The following FMN2 variants were observed in gnomAD, a reference collection of about 807,000 sequenced individuals.
FMN2 encodes the protein formin 2, also known as formin-2.
In FMN2, 51 loss-of-function variants were observed where a neutral mutation model predicts 142.3. That is an observed-to-expected ratio of 0.36 (90% CI 0.29 to 0.45). FMN2 has a LOEUF of 0.45. Among genes scored for constraint, FMN2 ranks in the 20% least tolerant of loss-of-function variants. FMN2 has a pLI of 1.00. For missense variants in FMN2, 1,936 were observed against 2,122.8 expected, an observed-to-expected ratio of 0.91 and a Z score of 1.73; for synonymous variants, 882 against 869.8, an observed-to-expected ratio of 1.01 and a Z score of -0.25.
At chr1:240,129,361 A>G (rs1327139370) in intron 2 of FMN2, among the ~76,000 whole-genome samples, 1 of 152,144 alleles carries the variant, frequency 6.6e-6, no homozygotes, top group Non-Finnish European at 1.5e-5. Flanking sequence ...ATCAACTTTC[A>G]AAGTTGTTTT....
chr1:240,125,496 T>C (rs984710854), intron 2 of FMN2, among the ~76,000 whole-genome samples: 6 of 152,248 alleles, frequency 3.9e-5, no homozygotes, highest in South Asian at 4.1e-4. Flanking sequence ...TTAAATGTTA[T>C]AGAGCTCAGT....
At chr1:240,296,889 T>C (rs1159498216) in intron 8 of FMN2, among the ~76,000 whole-genome samples, 2 of 152,138 alleles carry the variant, frequency 1.3e-5, no homozygotes, top group Non-Finnish European at 2.9e-5. Flanking sequence ...GTTGTCACTA[T>C]GCAAAGGGAA....
At chr1:240,201,966 C>T (rs1322956704) in intron 4 of FMN2, among the ~76,000 whole-genome samples, 2 of 152,148 alleles carry the variant, frequency 1.3e-5, no homozygotes, top group African/African-American at 2.4e-5. Flanking sequence ...TTGAGGCCAC[C>T]ATTGCAATTT....
intron 2 of FMN2, among the ~76,000 whole-genome samples, chr1:240,150,612 C>T (rs182481441): frequency 6.6e-5 from 10 of 152,296 alleles, no homozygotes; most frequent in South Asian, 2.1e-4. Context: ...CTCTTACCAA[C>T]GGTGTGGCCT....
At chr1:240,298,743 A>G (rs966155169) in intron 8 of FMN2, among the ~76,000 whole-genome samples, 9 of 152,258 alleles carry the variant, frequency 5.9e-5, no homozygotes, top group African/African-American at 1.7e-4. Context: ...AACCATCCCC[A>G]TAATGCCAGG....
chr1:240,427,436 A>G (rs1180484141), intron 15 of FMN2, among the ~76,000 whole-genome samples: 1 of 151,632 alleles, frequency 6.6e-6, no homozygotes, highest in African/African-American at 2.4e-5. Flanking sequence ...CCATCTCCTG[A>G]CCTTGTGATC....
chr1:240,271,940 T>C (rs1325455505), intron 7 of FMN2, among the ~76,000 whole-genome samples: 5 of 152,190 alleles, frequency 3.3e-5, no homozygotes, highest in Non-Finnish European at 4.4e-5. Context: ...GATTATATTT[T>C]TAATGACATT....
At position 240,306,377 on chromosome 1, in the gene FMN2, G is replaced by A. The variant is rs12141728; in HGVS notation, c.4215+11494G>A. ...GGGCTTCCGTTAATCCCATAACCCA[G>A]AAGCTGAACATAGTATCCAACAGGA... On this transcript the variant is annotated intron_variant, in intron 8 of 17. Coordinates refer to ENST00000319653, the MANE Select transcript of FMN2 (RefSeq NM_020066.5). Among the ~76,000 whole-genome samples, 5 of 152,296 alleles carry A rather than the reference G, an allele frequency of 3.3e-5. No homozygotes were observed. The East Asian group carries it at 9.7e-4, about 29-fold the overall frequency.
At chr1:240,266,834 A>C (rs1668830209) in intron 7 of FMN2, among the ~76,000 whole-genome samples, 1 of 152,122 alleles carries the variant, frequency 6.6e-6, no homozygotes, top group Non-Finnish European at 1.5e-5. Flanking sequence ...ATCAATAAAA[A>C]TAAGCAATGG....
At chr1:240,353,996 T>A (rs190347163) in intron 13 of FMN2, among the ~76,000 whole-genome samples, 2 of 152,076 alleles carry the variant, frequency 1.3e-5, no homozygotes, top group East Asian at 3.9e-4. Flanking sequence ...TAGAGGGAGA[T>A]GGATGGTTTA....
intron 1 of FMN2, among the ~76,000 whole-genome samples, chr1:240,116,845 AG>A (rs1382474718): frequency 6.6e-6 from 1 of 152,174 alleles, no homozygotes; most frequent in Non-Finnish European, 1.5e-5. Flanking sequence ...AAATTAGAGC[AG>A]ACTGAGCAAG....
intron 15 of FMN2, 31 bp from the exon 16 acceptor site, chr1:240,438,030 T>C (rs1177104452): frequency 6.3e-7 from 1 of 1,597,706 alleles, no homozygotes; most frequent in Admixed American, 1.8e-5. Flanking sequence ...AATCATGGCT[T>C]TTATGCTTTT....
At chr1:240,117,545 A>T (rs1418572195) in intron 1 of FMN2, among the ~76,000 whole-genome samples, 1 of 152,192 alleles carries the variant, frequency 6.6e-6, no homozygotes, top group East Asian at 1.9e-4. Context: ...ATAGTGATAG[A>T]ACATGGAATT....
At position 240,138,622 on chromosome 1, in the gene FMN2, G is replaced by A. The variant is rs535403511; in HGVS notation, c.1782+15277G>A. Reference sequence around the variant, plus strand: ...CTTGGGAGGCTGAGGCAAGAGAATCGCTTGAACCAAGGAGCTGGCGGTTGC... The same window carrying A: ...CTTGGGAGGCTGAGGCAAGAGAATCACTTGAACCAAGGAGCTGGCGGTTGC... On this transcript the variant is annotated intron_variant, in intron 2 of 17. Coordinates refer to ENST00000319653, the MANE Select transcript of FMN2 (RefSeq NM_020066.5). Among the ~76,000 whole-genome samples the A allele has an allele frequency of 5.3e-5, 8 of 152,028 alleles. 1 individual carries two copies. The highest frequency in any genetic ancestry group is 1.9e-4 in the African/African-American group (8 of 41,482).
At chr1:240,192,314 A>C (rs1665730004) in intron 4 of FMN2, among the ~76,000 whole-genome samples, 1 of 152,192 alleles carries the variant, frequency 6.6e-6, no homozygotes. Context: ...AGAGCAAAAG[A>C]AGCATTGGTC....
chr1:240,341,603 A>G (rs998620340), intron 13 of FMN2: 2 of 152,206 alleles, frequency 1.3e-5, no homozygotes, highest in African/African-American at 2.4e-5. Context: ...TTGTGTTACA[A>G]CTGCAGAGTT....
At chr1:240,393,948 G>A (rs775528447) in intron 15 of FMN2, among the ~76,000 whole-genome samples, 27 of 152,238 alleles carry the variant, frequency 1.8e-4, no homozygotes, top group Non-Finnish European at 3.7e-4. Flanking sequence ...CTTTAATTGG[G>A]TGCTGCAGCC....
intron 6 of FMN2, among the ~76,000 whole-genome samples, chr1:240,235,557 G>A (rs1407486452): frequency 6.6e-6 from 1 of 151,672 alleles, no homozygotes; most frequent in Non-Finnish European, 1.5e-5. Context: ...GATTATAGGT[G>A]CATGACACCA....
chr1:240,337,309 T>G (rs28678323), intron 13 of FMN2, among the ~76,000 whole-genome samples: 2 of 149,966 alleles, frequency 1.3e-5, no homozygotes, highest in African/African-American at 4.9e-5. Flanking sequence ...CCCCATCTCC[T>G]GGGTTCAAGC....
Sources: gnomAD v4.1 joint callset for allele counts (sites outside exome capture counted in the v4.1 genomes callset) on GRCh38, gnomAD v4.1.1 for gene constraint, MANE v1.5 for transcripts, NCBI Gene and HGNC (gene_info 2026-07-23, HGNC 2026-07-21) for gene names.